RABGAP1: variants seen among roughly 807,000 people sequenced by gnomAD.
RABGAP1 encodes rab GTPase-activating protein 1.
Under a neutral mutation model 137.6 loss-of-function variants are expected in RABGAP1, and 23 were observed. The observed-to-expected ratio is 0.17, with a 90% CI of 0.12 to 0.24. The LOEUF is 0.24. Among genes scored for constraint, RABGAP1 ranks in the 10% least tolerant of loss-of-function variants. RABGAP1 has a pLI of 1.00. For missense variants in RABGAP1, 906 were observed against 1,275.8 expected (o/e 0.71, Z 4.42); for synonymous variants, 451 against 450.7 (o/e 1.00, Z -0.01).
In RABGAP1 at chr9:123,085,710, C is replaced by A. The variant is rs142546565; in HGVS notation, c.2425-4048C>A. 1.6e-4 allele frequency among the ~76,000 whole-genome samples: 25 copies of A among 152,298 alleles called. No homozygotes were observed. The East Asian group carries it at 4.6e-3, about 28-fold the overall frequency. On this transcript the variant is annotated intron_variant, in intron 19 of 25. Coordinates refer to ENST00000373647, the MANE Select transcript of RABGAP1 (RefSeq NM_012197.4). ...GTAAGAGAAAAAAATGAGTCTTGGACTTCTAAGTCTCTGTTCATTAAGTGT... is the reference window on the plus strand; with the variant it reads ...GTAAGAGAAAAAAATGAGTCTTGGAATTCTAAGTCTCTGTTCATTAAGTGT...
intron 6 of RABGAP1, among the ~76,000 whole-genome samples, chr9:122,991,636 G>A (rs754666540): frequency 7.0e-6 from 1 of 143,586 alleles, no homozygotes; most frequent in Admixed American, 7.1e-5. Context: ...TACGCCTCAC[G>A]CTGTTGCTCA....
intron 21 of RABGAP1, 38 bp from the exon 22 acceptor site, chr9:123,097,703 A>G: frequency 6.4e-7 from 1 of 1,555,672 alleles, no homozygotes; most frequent in Non-Finnish European, 8.7e-7. Flanking sequence ...TGCAGTTCCC[A>G]ATTCTTGTTT....
intron 1 of RABGAP1, among the ~76,000 whole-genome samples, chr9:122,954,753 A>G (rs1359297132): frequency 6.6e-6 from 1 of 152,258 alleles, no homozygotes; most frequent in Non-Finnish European, 1.5e-5. Context: ...GACAAGGCCC[A>G]AATTTGTGGC....
At chr9:123,019,192 A>G (rs1436022594) in intron 12 of RABGAP1, among the ~76,000 whole-genome samples, 1 of 152,252 alleles carries the variant, frequency 6.6e-6, no homozygotes, top group Non-Finnish European at 1.5e-5. Flanking sequence ...GTAGTGATAT[A>G]GTAGTTCAGT....
intron 22 of RABGAP1, 87 bp from the exon 23 acceptor site, chr9:123,098,628 T>C (rs2035253533): frequency 1.8e-6 from 2 of 1,137,592 alleles, no homozygotes; most frequent in Non-Finnish European, 2.5e-6. Context: ...TCAGCAGTTT[T>C]TGGGAAGCCT....
At chr9:122,999,345 G>T (rs1000383007) in intron 10 of RABGAP1, among the ~76,000 whole-genome samples, 5 of 151,790 alleles carry the variant, frequency 3.3e-5, no homozygotes, top group African/African-American at 1.2e-4. Flanking sequence ...AGCATGCCCG[G>T]CTAATTTTTT....
intron 2 of RABGAP1, among the ~76,000 whole-genome samples, chr9:122,961,789 A>T (rs1431273256): frequency 1.3e-5 from 2 of 152,116 alleles, no homozygotes; most frequent in African/African-American, 4.8e-5. Flanking sequence ...TATAGTATGT[A>T]TATAGTATAT....
At chr9:123,064,358 TAAG>T (rs1234634847) in intron 13 of RABGAP1, among the ~76,000 whole-genome samples, 2 of 152,222 alleles carry the variant, frequency 1.3e-5, no homozygotes, top group African/African-American at 4.8e-5. Context: ...GTTTACTGTT[TAAG>T]AAGGAGCATA....
At chr9:123,100,228 A>G (rs2035300470) in intron 24 of RABGAP1, among the ~76,000 whole-genome samples, 1 of 152,162 alleles carries the variant, frequency 6.6e-6, no homozygotes, top group African/African-American at 2.4e-5. Context: ...GATTTTACTA[A>G]GATAAGCAAT....
At chr9:122,953,706 G>A (rs1834370949) in intron 1 of RABGAP1, among the ~76,000 whole-genome samples, 1 of 152,204 alleles carries the variant, frequency 6.6e-6, no homozygotes, top group Non-Finnish European at 1.5e-5. Flanking sequence ...CCCGGAACCA[G>A]TATTTTAACT....
intron 13 of RABGAP1, among the ~76,000 whole-genome samples, chr9:123,032,912 A>C (rs2032384101): frequency 6.6e-6 from 1 of 152,200 alleles, no homozygotes; most frequent in Non-Finnish European, 1.5e-5. Flanking sequence ...ATGCCTGAGT[A>C]GAAGAAGGTA....
intron 24 of RABGAP1, among the ~76,000 whole-genome samples, chr9:123,100,199 T>C (rs1317532529): frequency 1.3e-5 from 2 of 152,182 alleles, no homozygotes; most frequent in Non-Finnish European, 2.9e-5. Flanking sequence ...AAGTTCTACC[T>C]GTATTACAGA....
At chr9:122,975,027 T>A (rs1356603778) in intron 2 of RABGAP1, among the ~76,000 whole-genome samples, 1 of 152,250 alleles carries the variant, frequency 6.6e-6, no homozygotes, top group African/African-American at 2.4e-5. Flanking sequence ...TTTAGTGTTA[T>A]AAGTAACATA....
At position 123,035,639 on chromosome 9, in the gene RABGAP1, CGTGT is replaced by C. The variant is rs5900552; in HGVS notation, c.1794+15221_1794+15224del. The C allele has an allele frequency of 4.1e-3, 2,977 of 733,066 alleles. 23 individuals carry two copies. Among genetic ancestry groups the C allele is most frequent in the African/African-American group, 0.025 (1,424 of 56,904 alleles). 45.4% of individuals were successfully genotyped at this position (733,066 alleles called of 1,614,324 possible). ...TGAAGTGGCTCAGTTACGGGGTTCC[CGTGT>C]GTGTGTGTGTGTGTGTGTGTGTGTG... On this transcript the variant is annotated intron_variant, in intron 13 of 25. Coordinates refer to ENST00000373647, the MANE Select transcript of RABGAP1 (RefSeq NM_012197.4).
chr9:123,028,633 T>G (rs1391381347), intron 13 of RABGAP1, among the ~76,000 whole-genome samples: 1 of 152,160 alleles, frequency 6.6e-6, no homozygotes, highest in Non-Finnish European at 1.5e-5. Context: ...AGGTGGTAGA[T>G]AGGGAACAGA....
chr9:122,972,417 C>T (rs1198531843), intron 2 of RABGAP1, among the ~76,000 whole-genome samples: 1 of 152,140 alleles, frequency 6.6e-6, no homozygotes, highest in African/African-American at 2.4e-5. Flanking sequence ...CGGGTGGGGA[C>T]TGGACTTGAG....
rs944652971 is a variant in RABGAP1, at chr9:122,956,787, T to A, written c.-49-224T>A. ...AGGGTTATCCTGAAGGGAATATGTT[T>A]TATTTATTTTTTTGAAGTCTGAAAT... On this transcript the variant is annotated intron_variant, in intron 1 of 25. Coordinates refer to ENST00000373647, the MANE Select transcript of RABGAP1 (RefSeq NM_012197.4). Among the ~76,000 whole-genome samples, 62 of 152,212 alleles carry A rather than the reference T, an allele frequency of 4.1e-4. 2 individuals are homozygous for A. The highest frequency in any genetic ancestry group is 4.1e-3 in the Admixed American group (62 of 15,274).
intron 19 of RABGAP1, among the ~76,000 whole-genome samples, chr9:123,078,648 C>T (rs2034599098): frequency 6.6e-6 from 1 of 152,174 alleles, no homozygotes; most frequent in African/African-American, 2.4e-5. Flanking sequence ...GATGCTGCCT[C>T]TTTTTTGTTC....
intron 13 of RABGAP1, among the ~76,000 whole-genome samples, chr9:123,044,972 A>C (rs2033143240): frequency 6.6e-6 from 1 of 152,248 alleles, no homozygotes; most frequent in Admixed American, 6.5e-5. Context: ...AATTTAACAA[A>C]CAATATATGA....
Sources: gnomAD v4.1 joint callset for allele counts (sites outside exome capture counted in the v4.1 genomes callset) on GRCh38, gnomAD v4.1.1 for gene constraint, MANE v1.5 for transcripts, NCBI Gene and HGNC (gene_info 2026-07-23, HGNC 2026-07-21) for gene names.